NRG3: variants seen among roughly 807,000 people sequenced by gnomAD.
NRG3 encodes the protein neuregulin 3.
In NRG3, 31 loss-of-function variants were observed where a neutral mutation model predicts 66.9. The ratio of observed to expected loss-of-function variants is 0.46; its 90% CI spans 0.35 to 0.63. The LOEUF (loss-of-function observed/expected upper bound fraction) is 0.63. NRG3 is among the 20% of genes least tolerant of loss of function. NRG3 has a pLI of 0.00. For missense variants in NRG3, 910 were observed against 878.9 expected (o/e 1.04, Z -0.45); for synonymous variants, 393 against 359.4 (o/e 1.09, Z -1.06).
intron 1 of NRG3, among the ~76,000 whole-genome samples, chr10:82,195,268 A>G (rs1049577428): frequency 6.6e-6 from 1 of 152,198 alleles, no homozygotes; most frequent in African/African-American, 2.4e-5. Context: ...ATCCTTGTTC[A>G]TGTTTCCATG....
chr10:82,854,851 A>G (rs1334433918), intron 3 of NRG3, among the ~76,000 whole-genome samples: 1 of 152,088 alleles, frequency 6.6e-6, no homozygotes, highest in African/African-American at 2.4e-5. Context: ...CTCACCATGG[A>G]TCTTCTCTTT....
At chr10:81,939,575 C>T (rs1469139842) in intron 1 of NRG3, among the ~76,000 whole-genome samples, 1 of 151,458 alleles carries the variant, frequency 6.6e-6, no homozygotes, top group African/African-American at 2.4e-5. Context: ...ATAGCAATAT[C>T]TTATTCATCT....
intron 1 of NRG3, among the ~76,000 whole-genome samples, chr10:81,893,900 A>C (rs891509980): frequency 4.6e-5 from 7 of 152,302 alleles, no homozygotes; most frequent in Admixed American, 1.3e-4. Context: ...ATTTAGTAAC[A>C]AAAGATTTTT....
rs111579563 is a variant in NRG3 at position 82,248,745 on chromosome 10, T to C, written c.824-109994T>C. Among the ~76,000 whole-genome samples the C allele has an allele frequency of 8.1e-3, 1,231 of 152,334 alleles. 5 individuals carry two copies. Among genetic ancestry groups the C allele is most frequent in the Non-Finnish European group, 0.011 (762 of 68,026 alleles). On this transcript the variant is annotated intron_variant, in intron 1 of 8. Coordinates refer to ENST00000372141, the MANE Select transcript of NRG3 (RefSeq NM_001010848.4). ...GTGGTCTCCCTGCTGTTGGATCACT[T>C]GCTTCCAGTACATTCTGTACACAGC...
chr10:82,695,691 G>C (rs1300101409), intron 2 of NRG3, among the ~76,000 whole-genome samples: 1 of 151,908 alleles, frequency 6.6e-6, no homozygotes, highest in Non-Finnish European at 1.5e-5. Flanking sequence ...GGAAAATAAA[G>C]ATATTTTATT....
At chr10:82,082,507 T>G (rs138960572) in intron 1 of NRG3, among the ~76,000 whole-genome samples, 1,922 of 152,240 alleles carry the variant, frequency 0.013, 28 homozygotes, top group African/African-American at 0.036. Context: ...TTGCGGTTCA[T>G]AACAGGGTTG....
At chr10:82,732,151 A>C (rs1319153357) in intron 2 of NRG3, among the ~76,000 whole-genome samples, 1 of 152,178 alleles carries the variant, frequency 6.6e-6, no homozygotes, top group African/African-American at 2.4e-5. Context: ...TGTCATAAAA[A>C]AAGAAATGTC....
At position 82,406,675 on chromosome 10, in the gene NRG3, C is replaced by T. The variant is rs189006954; in HGVS notation, c.953+47807C>T. Among the ~76,000 whole-genome samples, 7 of 152,188 alleles carry T rather than the reference C, an allele frequency of 4.6e-5. 1 individual carries two copies. Among genetic ancestry groups the T allele is most frequent in the Admixed American group, 4.6e-4 (7 of 15,280 alleles). ...TGCAGGGAGGTAATGTGACTTCAGTCAGAGAAAGTGATAGAATACTACATT... is the reference window on the plus strand; with the variant it reads ...TGCAGGGAGGTAATGTGACTTCAGTTAGAGAAAGTGATAGAATACTACATT... On this transcript the variant is annotated intron_variant, in intron 2 of 8. Coordinates refer to ENST00000372141, the MANE Select transcript of NRG3 (RefSeq NM_001010848.4).
chr10:82,971,997 G>A (rs1287018560), intron 6 of NRG3, among the ~76,000 whole-genome samples: 1 of 152,022 alleles, frequency 6.6e-6, no homozygotes, highest in Non-Finnish European at 1.5e-5. Flanking sequence ...GAACATAGAA[G>A]ACCAGATATT....
chr10:82,644,784 T>C (rs1431304925), intron 2 of NRG3, among the ~76,000 whole-genome samples: 1 of 152,136 alleles, frequency 6.6e-6, no homozygotes, highest in Non-Finnish European at 1.5e-5. Context: ...TCCCCCAGAA[T>C]TGGAATCATC....
intron 1 of NRG3, among the ~76,000 whole-genome samples, chr10:82,189,298 A>G (rs1254718269): frequency 6.6e-6 from 1 of 152,174 alleles, no homozygotes; most frequent in African/African-American, 2.4e-5. Context: ...AGTTAAACAT[A>G]AGATTTTTCA....
rs146262836 is a variant in NRG3, at chr10:82,967,753, G to A, written c.1285-6035G>A. Among the ~76,000 whole-genome samples the A allele has an allele frequency of 6.4e-3, 976 of 152,272 alleles. 6 individuals are homozygous for A. The highest frequency in any genetic ancestry group is 0.021 in the African/African-American group (876 of 41,548). On this transcript the variant is annotated intron_variant, in intron 6 of 8. Transcript: ENST00000372141. ...AATGCTCTGTGTGCATTTCAAAATA[G>A]TTACTTTTCCCCTTCCACTGGCAGA...
At chr10:82,001,102 T>A (rs1331429957) in intron 1 of NRG3, among the ~76,000 whole-genome samples, 1 of 151,542 alleles carries the variant, frequency 6.6e-6, no homozygotes, top group East Asian at 1.9e-4. Flanking sequence ...AAGGCAAAGA[T>A]CATGTTTTAA....
At chr10:82,192,997 G>GAGAGAGAA (rs113323604) in intron 1 of NRG3, among the ~76,000 whole-genome samples, 1 of 122,914 alleles carries the variant, frequency 8.1e-6, no homozygotes, top group Non-Finnish European at 1.7e-5. Context: ...GAGAGAGAGA[G>GAGAGAGAA]TTTGTGAGGT....
At chr10:82,650,721 G>A (rs924146952) in intron 2 of NRG3, among the ~76,000 whole-genome samples, 1 of 152,136 alleles carries the variant, frequency 6.6e-6, no homozygotes, top group Non-Finnish European at 1.5e-5. Flanking sequence ...TTTTTTCTTG[G>A]TAATCCAAAA....
At position 82,027,452 on chromosome 10, in the gene NRG3, A is replaced by G. The variant is rs116001268; in HGVS notation, c.823+151289A>G. ...GGGAAATAATTTTTAACTATGTTTG[A>G]AAGAATGAATTTAAGGCTTATTAAC... On this transcript the variant is annotated intron_variant, in intron 1 of 8. Coordinates refer to ENST00000372141, the MANE Select transcript of NRG3 (RefSeq NM_001010848.4). 9.0e-3 allele frequency among the ~76,000 whole-genome samples: 1,375 copies of G among 152,208 alleles called. 27 individuals carry two copies. The highest frequency in any genetic ancestry group is 0.031 in the African/African-American group (1,283 of 41,548).
chr10:82,350,159 A>G (rs1022605704), intron 1 of NRG3, among the ~76,000 whole-genome samples: 2 of 152,242 alleles, frequency 1.3e-5, no homozygotes, highest in African/African-American at 4.8e-5. Context: ...AGCCTCAGGT[A>G]TGTTCACAAA....
At chr10:82,082,482 G>A (rs1189533805) in intron 1 of NRG3, among the ~76,000 whole-genome samples, 1 of 152,188 alleles carries the variant, frequency 6.6e-6, no homozygotes, top group Non-Finnish European at 1.5e-5. Context: ...GGGAAAGGAG[G>A]TGGGTCTTGG....
chr10:82,527,999 T>C (rs1846887985), intron 2 of NRG3, among the ~76,000 whole-genome samples: 1 of 152,154 alleles, frequency 6.6e-6, no homozygotes, highest in South Asian at 2.1e-4. Flanking sequence ...TTGCAGCATC[T>C]CTGGTCTCTA....
Sources: allele counts gnomAD v4.1 joint callset (sites outside exome capture counted in the v4.1 genomes callset), GRCh38; gene constraint gnomAD v4.1.1; transcripts MANE v1.5; gene names NCBI Gene and HGNC (gene_info 2026-07-23, HGNC 2026-07-21).